OCA2: variants seen among roughly 807,000 people sequenced by gnomAD.
OCA2 encodes OCA2 melanosomal transmembrane protein.
OCA2 carries 77 observed loss-of-function variants against 100.2 expected under a neutral mutation model. The ratio of observed to expected loss-of-function variants is 0.77; its 90% confidence interval spans 0.64 to 0.93. The LOEUF (loss-of-function observed/expected upper bound fraction) is 0.93, where lower values mean the gene tolerates loss of function less well. Among genes scored for constraint, OCA2 ranks in the 40% least tolerant of loss-of-function variants. OCA2 has a pLI of 0.00. For missense variants in OCA2, 1,062 were observed against 1,089.1 expected, an observed-to-expected ratio of 0.98 and a Z score of 0.35; for synonymous variants, 432 against 439.2, an observed-to-expected ratio of 0.98 and a Z score of 0.21.
chr15:27,980,209 G>A (rs2041112815), intron 14 of OCA2, among the ~76,000 whole-genome samples: 1 of 151,340 alleles, frequency 6.6e-6, no homozygotes, highest in Non-Finnish European at 1.5e-5. Flanking sequence ...CTCGCTGCAA[G>A]CTCCGCCTCA....
At chr15:27,884,896 C>T (rs973824405) in intron 19 of OCA2, among the ~76,000 whole-genome samples, 5 of 152,084 alleles carry the variant, frequency 3.3e-5, no homozygotes, top group Admixed American at 6.6e-5. Context: ...GTTATTGTGT[C>T]GGTGAACTTA....
chr15:28,062,758 C>T (rs942797715), intron 2 of OCA2, among the ~76,000 whole-genome samples: 1 of 152,170 alleles, frequency 6.6e-6, no homozygotes, highest in Non-Finnish European at 1.5e-5. Flanking sequence ...GGTCCAACTT[C>T]ATTCTTTTGC....
chr15:28,093,785 C>A (rs985633414), intron 1 of OCA2, among the ~76,000 whole-genome samples: 16 of 152,144 alleles, frequency 1.1e-4, no homozygotes, highest in Admixed American at 8.5e-4. Flanking sequence ...AATTCATACA[C>A]AGCAACGTAG....
chr15:27,822,551 G>A (rs28473720), intron 23 of OCA2, among the ~76,000 whole-genome samples: 76,754 of 151,974 alleles, frequency 0.51, 19,990 homozygotes, highest in South Asian at 0.76. Context: ...CCTTACCAAT[G>A]TTTGCTTCTT....
chr15:27,971,617 C>T (rs1215146470), intron 14 of OCA2, among the ~76,000 whole-genome samples: 1 of 152,152 alleles, frequency 6.6e-6, no homozygotes, highest in East Asian at 1.9e-4. Flanking sequence ...ATTCCACCGA[C>T]AGAGAGTTAT....
At chr15:27,893,169 TG>T (rs2037537726) in intron 19 of OCA2, among the ~76,000 whole-genome samples, 1 of 152,228 alleles carries the variant, frequency 6.6e-6, no homozygotes, top group Non-Finnish European at 1.5e-5. Context: ...GAACATAAAT[TG>T]TGAAGATTTC....
chr15:27,837,048 C>G (rs2035180147), intron 23 of OCA2, among the ~76,000 whole-genome samples: 1 of 152,220 alleles, frequency 6.6e-6, no homozygotes, highest in Non-Finnish European at 1.5e-5. Flanking sequence ...GTGAGACACT[C>G]TTTAATTGAC....
At chr15:27,757,219 G>A (rs2030452859) in intron 23 of OCA2, among the ~76,000 whole-genome samples, 1 of 152,222 alleles carries the variant, frequency 6.6e-6, no homozygotes, top group Non-Finnish European at 1.5e-5. Flanking sequence ...TAGATTGTGT[G>A]ATTAAGAGTG....
At chr15:28,095,935 CA>C (rs2044969829) in intron 1 of OCA2, among the ~76,000 whole-genome samples, 1 of 152,192 alleles carries the variant, frequency 6.6e-6, no homozygotes, top group Non-Finnish European at 1.5e-5. Context: ...TGCTTGGCCC[CA>C]AATCGTCCCT....
In OCA2 at chr15:27,775,346, G is replaced by A. The variant is rs371903197; in HGVS notation, c.2433-19874C>T. Among the ~76,000 whole-genome samples, 5 of 152,232 alleles carry A rather than the reference G, an allele frequency of 3.3e-5. No individual in the cohort carries two copies. In the East Asian group the frequency reaches 9.7e-4, roughly 29 times the overall value. ...ACTGCAGGGGCCATGCTGCCCAGAC[G>A]CCCAGTTCTCAGATGACTTTGTGTG... is the stretch of plus-strand genomic sequence containing the variant. On this transcript the variant is annotated intron_variant, in intron 23 of 23. Coordinates refer to ENST00000354638, the MANE Select transcript of OCA2 (RefSeq NM_000275.3).
chr15:27,912,833 A>C (rs933362463), intron 19 of OCA2, among the ~76,000 whole-genome samples: 1 of 152,240 alleles, frequency 6.6e-6, no homozygotes, highest in African/African-American at 2.4e-5. Context: ...TTCACAATAC[A>C]GAAACCTGGC....
intron 2 of OCA2, among the ~76,000 whole-genome samples, chr15:28,032,784 C>T (rs1374371758): frequency 2.3e-5 from 3 of 130,816 alleles, no homozygotes; most frequent in African/African-American, 9.0e-5. Context: ...CAGAGCGAGA[C>T]TCTGTCTCAA....
intron 2 of OCA2, among the ~76,000 whole-genome samples, chr15:28,034,903 G>A (rs2141406602): frequency 6.6e-6 from 1 of 152,270 alleles, no homozygotes; most frequent in South Asian, 2.1e-4. Context: ...AATCAATAAT[G>A]TTTATAGACT....
Position 28,081,232 on chromosome 15 carries a change from T to C in OCA2, c.227+416A>G, listed in dbSNP as rs79290191. ...GCACATTTAACCCCTGAATCTAAAATAAAAGTTGAAATTATTTTTAAATTT... is the reference window on the plus strand; with the variant it reads ...GCACATTTAACCCCTGAATCTAAAACAAAAGTTGAAATTATTTTTAAATTT... On this transcript the variant is annotated intron_variant, in intron 2 of 23. Coordinates refer to ENST00000354638, the MANE Select transcript of OCA2 (RefSeq NM_000275.3). Among the ~76,000 whole-genome samples, 1,289 of 152,294 alleles carry C rather than the reference T, an allele frequency of 8.5e-3. 19 individuals carry two copies. The highest frequency in any genetic ancestry group is 0.03 in the African/African-American group (1,237 of 41,562).
chr15:28,016,077 C>T (rs906786199), intron 8 of OCA2, 27 bp downstream of exon 8: 9 of 1,593,478 alleles, frequency 5.6e-6, no homozygotes, highest in East Asian at 2.2e-5. Flanking sequence ...AGAGCCTGCC[C>T]CAACACCTCA....
At chr15:28,079,912 G>T (rs2044564632) in intron 2 of OCA2, among the ~76,000 whole-genome samples, 1 of 152,156 alleles carries the variant, frequency 6.6e-6, no homozygotes, top group Non-Finnish European at 1.5e-5. Flanking sequence ...CTGCCTGGCT[G>T]CCCAGGGCCT....
At chr15:28,013,735 T>C (rs1395557793) in intron 9 of OCA2, among the ~76,000 whole-genome samples, 3 of 152,080 alleles carry the variant, frequency 2.0e-5, no homozygotes. Flanking sequence ...CTGCCGGGCA[T>C]GGCAATAAAC....
intron 18 of OCA2, among the ~76,000 whole-genome samples, chr15:27,934,838 A>T (rs1029413424): frequency 6.6e-6 from 1 of 152,206 alleles, no homozygotes; most frequent in African/African-American, 2.4e-5. Flanking sequence ...AATAGCCTAC[A>T]ATCGAATGAA....
chr15:28,031,512 T>C (rs2042906264), intron 3 of OCA2, among the ~76,000 whole-genome samples: 1 of 152,238 alleles, frequency 6.6e-6, no homozygotes, highest in Non-Finnish European at 1.5e-5. Flanking sequence ...ACAGCTCTCC[T>C]CAGGCAATTC....
Sources: gnomAD v4.1 joint callset for allele counts (sites outside exome capture counted in the v4.1 genomes callset) on GRCh38, gnomAD v4.1.1 for gene constraint, MANE v1.5 for transcripts, NCBI Gene and HGNC (gene_info 2026-07-23, HGNC 2026-07-21) for gene names.